DDX31: variants seen among roughly 807,000 people sequenced by gnomAD.
DDX31 encodes ATP-dependent DNA helicase DDX31.
A neutral mutation model predicts 91.3 loss-of-function variants in DDX31; 70 were observed. That is an observed-to-expected ratio of 0.77 (90% CI 0.63 to 0.94). The LOEUF is 0.94. Ranked by LOEUF, DDX31 falls within the 40% of genes least tolerant of loss-of-function variation. The pLI, the probability that DDX31 is intolerant of heterozygous loss-of-function variation, is 0.00. For missense variants in DDX31, 902 were observed against 925.0 expected (o/e 0.98, Z 0.32); for synonymous variants, 362 against 350.6 (o/e 1.03, Z -0.36).
intron 19 of DDX31, among the ~76,000 whole-genome samples, chr9:132,605,647 G>T (rs761886143): frequency 7.9e-5 from 12 of 152,172 alleles, no homozygotes; most frequent in Non-Finnish European, 1.5e-4. Context: ...ACAGACCAGG[G>T]CCAGGGCAGA....
At position 132,662,775 on chromosome 9, in the gene DDX31, C is replaced by T. The variant is rs1835061983; in HGVS notation, c.76-80G>A. 6 of 1,572,290 alleles carry T rather than the reference C, an allele frequency of 3.8e-6. No homozygotes were observed. The Admixed American group carries it at 5.2e-5, about 14-fold the overall frequency. On this transcript the variant is annotated intron_variant, in intron 1 of 19. Coordinates refer to ENST00000372159, the MANE Select transcript of DDX31 (RefSeq NM_022779.9). ...AGAGCTCGGAGTGAAGCCTGACTGC[C>T]CACAGAATTGCATCTCTCCCTGCAG...
At chr9:132,627,695 G>C (rs1832479064) in intron 16 of DDX31, among the ~76,000 whole-genome samples, 1 of 152,224 alleles carries the variant, frequency 6.6e-6, no homozygotes, top group Non-Finnish European at 1.5e-5. Context: ...TCTAGACAGA[G>C]GTGGCAATGG....
chr9:132,651,665 A>C (rs1834194413), intron 7 of DDX31, among the ~76,000 whole-genome samples: 1 of 152,206 alleles, frequency 6.6e-6, no homozygotes, highest in South Asian at 2.1e-4. Context: ...TTTGAGAACA[A>C]AGCAAGTGAA....
chr9:132,593,804 G>A lies in DDX31; in HGVS notation c.*1062C>T, dbSNP rs1830308697. 1 of 152,320 alleles carries A rather than the reference G, an allele frequency of 6.6e-6. No individual in the cohort carries two copies. The highest frequency in any genetic ancestry group is 1.5e-5 in the Non-Finnish European group (1 of 68,162). The allele number at this position is 152,320 out of a possible 1,614,324, so 9.4% of individuals were successfully genotyped here. On this transcript the variant is annotated 3_prime_UTR_variant, in exon 20 of 20. Transcript: ENST00000372159. The stretch of plus-strand genomic sequence containing the variant: ...GTGGTGCCTCAACACTGGTCCTGGG[G>A]AGACCACAGAGGGCGGCACAGTCAC...
intron 13 of DDX31, among the ~76,000 whole-genome samples, chr9:132,644,705 G>A (rs1041489378): frequency 6.6e-6 from 1 of 152,064 alleles, no homozygotes; most frequent in Non-Finnish European, 1.5e-5. Flanking sequence ...GAATGCCTCT[G>A]GTAAAAACGG....
intron 19 of DDX31, among the ~76,000 whole-genome samples, chr9:132,609,910 G>A (rs968725351): frequency 2.6e-5 from 4 of 152,144 alleles, no homozygotes; most frequent in African/African-American, 4.8e-5. Context: ...GTGAGTCACC[G>A]CGCCTGGCCA....
chr9:132,646,751 C>T, intron 12 of DDX31, 72 bp downstream of exon 12: 3 of 1,473,548 alleles, frequency 2.0e-6, no homozygotes, highest in Non-Finnish European at 2.8e-6. Flanking sequence ...CAACTCATTG[C>T]TCCCAATGGC....
chr9:132,669,697 G>A, intron 1 of DDX31, 163 bp downstream of exon 1: 1 of 1,533,860 alleles, frequency 6.5e-7, no homozygotes, highest in South Asian at 1.2e-5. Context: ...TCCGGTTAGA[G>A]ACACGTGTTT....
intron 14 of DDX31, among the ~76,000 whole-genome samples, chr9:132,636,679 T>C (rs974398808): frequency 1.8e-4 from 27 of 152,182 alleles, no homozygotes; most frequent in Non-Finnish European, 2.9e-5. Flanking sequence ...AATCTTCCGG[T>C]CTCCCACTAA....
chr9:132,603,666 G>A (rs1228050304), intron 19 of DDX31, among the ~76,000 whole-genome samples: 4 of 152,328 alleles, frequency 2.6e-5, no homozygotes, highest in Admixed American at 2.0e-4. Context: ...TGGACCTAGC[G>A]GTTTGTGCTA....
At chr9:132,643,560 C>A (rs1401645527) in intron 13 of DDX31, among the ~76,000 whole-genome samples, 1 of 152,184 alleles carries the variant, frequency 6.6e-6, no homozygotes, top group African/African-American at 2.4e-5. Context: ...CCACCATGTA[C>A]CAGACCTCAC....
chr9:132,623,166 C>G (rs933008950), intron 17 of DDX31, among the ~76,000 whole-genome samples: 6 of 151,432 alleles, frequency 4.0e-5, no homozygotes, highest in Non-Finnish European at 7.4e-5. Context: ...ATGTTTTATA[C>G]TTGGGACTCC....
At chr9:132,605,486 T>C (rs529957302) in intron 19 of DDX31, among the ~76,000 whole-genome samples, 1 of 152,272 alleles carries the variant, frequency 6.6e-6, no homozygotes, top group Admixed American at 6.5e-5. Context: ...CTGACACACT[T>C]GTGGTCCCCA....
At chr9:132,611,976 A>G in intron 19 of DDX31, 111 bp downstream of exon 19, 1 of 1,391,246 alleles carries the variant, frequency 7.2e-7, no homozygotes, top group South Asian at 1.5e-5. Context: ...TTATTGGGAG[A>G]AGGGCAGGTA....
chr9:132,610,759 T>TCG (rs1831280209), intron 19 of DDX31, among the ~76,000 whole-genome samples: 3 of 152,174 alleles, frequency 2.0e-5, no homozygotes, highest in Non-Finnish European at 4.4e-5. Context: ...TCACCTGATT[T>TCG]TGATTCTCAA....
intron 6 of DDX31, chr9:132,658,432 C>G: frequency 1.4e-6 from 1 of 695,212 alleles, no homozygotes; most frequent in Non-Finnish European, 2.6e-6. Flanking sequence ...GCCTGACACA[C>G]GGGGAGCATC....
intron 15 of DDX31, 68 bp from the exon 16 acceptor site, chr9:132,630,471 C>T (rs1161132590): frequency 7.0e-6 from 10 of 1,435,542 alleles, no homozygotes; most frequent in Non-Finnish European, 9.4e-6. Flanking sequence ...AAGTGCAATA[C>T]TCCTCACCTG....
chr9:132,625,161 G>A (rs1832318676), intron 17 of DDX31, among the ~76,000 whole-genome samples: 1 of 152,116 alleles, frequency 6.6e-6, no homozygotes, highest in South Asian at 2.1e-4. Context: ...ATATGGAACT[G>A]CATGGATAAT....
intron 1 of DDX31, among the ~76,000 whole-genome samples, chr9:132,668,132 G>A (rs1032897265): frequency 2.0e-5 from 3 of 151,988 alleles, no homozygotes; most frequent in Non-Finnish European, 4.4e-5. Flanking sequence ...TGGCTAGCTG[G>A]ACTCCTTACT....
Sources: gnomAD v4.1 joint callset for allele counts (sites outside exome capture counted in the v4.1 genomes callset) on GRCh38, gnomAD v4.1.1 for gene constraint, MANE v1.5 for transcripts, NCBI Gene and HGNC (gene_info 2026-07-23, HGNC 2026-07-21) for gene names.